The following ATAT1 variants were observed in gnomAD, a reference collection of about 807,000 sequenced individuals.
ATAT1 encodes alpha-tubulin N-acetyltransferase 1.
In ATAT1, 42 loss-of-function variants were observed where a neutral mutation model predicts 57.2. The ratio of observed to expected loss-of-function variants is 0.73; its 90% CI spans 0.57 to 0.95. ATAT1 has a LOEUF of 0.95. ATAT1 is among the 40% of genes least tolerant of loss of function. ATAT1 has a pLI of 0.00. For missense variants in ATAT1, 454 were observed against 523.7 expected (o/e 0.87, Z 1.30); for synonymous variants, 168 against 187.1 (o/e 0.90, Z 0.83).
intron 6 of ATAT1, among the ~76,000 whole-genome samples, chr6:30,639,515 C>T (rs1407955220): frequency 6.9e-6 from 1 of 144,958 alleles, no homozygotes; most frequent in African/African-American, 2.5e-5. Context: ...CTTGCTCCAT[C>T]GCCCAGGCTG....
rs145947766 is a variant in ATAT1, at chr6:30,626,910, G to C, written c.-294G>C. Reference sequence around the variant, plus strand: ...CATGGAGTTCCCGTTCGATGTGGACGCGCTGTTCCCGGAGCGGATCACGGT... The same window carrying C: ...CATGGAGTTCCCGTTCGATGTGGACCCGCTGTTCCCGGAGCGGATCACGGT... On this transcript the variant is annotated 5_prime_UTR_variant, in exon 1 of 13. Coordinates refer to ENST00000330083, the MANE Select transcript of ATAT1 (RefSeq NM_001031722.4). 1.2e-5 allele frequency: 19 copies of C among 1,608,556 alleles called. No individual in the cohort carries two copies. Among genetic ancestry groups the C allele is most frequent in the Non-Finnish European group, 1.1e-5 (13 of 1,178,398 alleles).
In ATAT1 at chr6:30,628,348, A is replaced by G. The variant is rs986917482; in HGVS notation, c.419A>G (p.His140Arg). ...CTGCAGAAGGAGCGAGTGGAACCGC[A>G]CCAACTGGCAATTGACCGACCCTCA... The change falls in exon 6 of 13, where the codon CAC becomes CGC. Residue 140 changes from histidine (H) to arginine (R), a missense_variant. Coordinates refer to ENST00000330083, the MANE Select transcript of ATAT1 (RefSeq NM_001031722.4). 3 of 1,612,862 alleles carry G rather than the reference A, an allele frequency of 1.9e-6. No individual in the cohort carries two copies. Among genetic ancestry groups the G allele is most frequent in the East Asian group, 2.2e-5 (1 of 44,894 alleles).
rs1431567268 is a variant in ATAT1 at position 30,646,672 on chromosome 6, ATTATT to A, written c.*31_*35del. ...CAGCCCCGTCAAACATCTTCAAAGT[ATTATT>A]TCTCCCTCACTACAGGAAAGAGCCA... On this transcript the variant is annotated 3_prime_UTR_variant, in exon 13 of 13. Coordinates refer to ENST00000330083, the MANE Select transcript of ATAT1 (RefSeq NM_001031722.4). 6.6e-7 allele frequency: 1 copy of A among 1,516,392 alleles called. No individual in the cohort carries two copies. The highest frequency in any genetic ancestry group is 2.1e-5 in the Admixed American group (1 of 47,684). The allele number at this position is 1,516,392 out of a possible 1,614,324, so 93.9% of individuals were successfully genotyped here. A position where few individuals can be genotyped will look rare whatever the true frequency, so the allele number is the denominator to read the frequency against.
In ATAT1 at chr6:30,645,919, C is replaced by A. The variant is rs769358309; in HGVS notation, c.957C>A (p.Ala319=). 15 of 1,520,316 alleles carry A rather than the reference C, an allele frequency of 9.9e-6. No homozygotes were observed. The highest frequency in any genetic ancestry group is 1.3e-5 in the Non-Finnish European group (15 of 1,134,388). 94.2% of individuals were successfully genotyped at this position (1,520,316 alleles called of 1,614,324 possible). Residue 319 remains alanine, a synonymous_variant, in exon 11 of 13, where the codon GCC becomes GCA. Transcript: ENST00000330083. ...GGGGGACTCCCCCAGGTCTGGTAGC[C>A]CAAAGCTGCTGCTACAGCCGCCATG...
At chr6:30,630,472 T>C (rs747739282) in intron 6 of ATAT1, among the ~76,000 whole-genome samples, 5 of 151,582 alleles carry the variant, frequency 3.3e-5, no homozygotes, top group Non-Finnish European at 4.4e-5. Context: ...CCCGTCTCTA[T>C]TAAAAATACA....
At chr6:30,645,748 G>A in intron 10 of ATAT1, 147 bp from the exon 11 acceptor site, 1 of 591,844 alleles carries the variant, frequency 1.7e-6, no homozygotes, top group Non-Finnish European at 2.8e-6. Context: ...CTGGGGCACA[G>A]CTTTGATTAA....
chr6:30,644,054 G>A (rs752763432), intron 10 of ATAT1: 37 of 989,512 alleles, frequency 3.7e-5, no homozygotes, highest in Non-Finnish European at 4.3e-5. Context: ...GCGAATGGCC[G>A]CTAGTGAGCA....
intron 6 of ATAT1, among the ~76,000 whole-genome samples, chr6:30,631,964 G>A (rs2394388): frequency 0.029 from 4,383 of 152,124 alleles, 137 homozygotes; most frequent in African/African-American, 0.075. Context: ...GAGGTAATGC[G>A]GAGGAGGGGC....
At position 30,628,094 on chromosome 6, in the gene ATAT1, G is replaced by C. The variant is rs1488921081; in HGVS notation, c.348G>C (p.Glu116Asp). 1.9e-6 allele frequency: 3 copies of C among 1,613,010 alleles called. No individual in the cohort carries two copies. Among genetic ancestry groups the C allele is most frequent in the Non-Finnish European group, 1.7e-6 (2 of 1,180,020 alleles). Residue 116 changes from glutamate (E) to aspartate (D), a missense_variant, in exon 5 of 13, where the codon GAG becomes GAC. By Grantham distance (45) the Glu-to-Asp change is conservative. This residue lies in a region of ATAT1 where 236 missense variants were observed against 284.5 expected (regional missense o/e 0.83). Coordinates refer to ENST00000330083, the MANE Select transcript of ATAT1 (RefSeq NM_001031722.4). ...GCATCCTGGACTTTTACATCCATGA[G>C]TCTGTGCAACGCCATGGCCATGGGC...
intron 6 of ATAT1, among the ~76,000 whole-genome samples, chr6:30,629,791 G>T (rs1025384407): frequency 4.0e-5 from 6 of 151,550 alleles, no homozygotes; most frequent in African/African-American, 1.5e-4. Context: ...TGATCTGCCC[G>T]CCTCGGCCTC....
chr6:30,646,614 C>T lies in ATAT1; in HGVS notation c.1201C>T (p.Gln401Ter). The T allele has an allele frequency of 6.4e-7, 1 of 1,572,504 alleles. No homozygotes were observed. Among genetic ancestry groups the T allele is most frequent in the South Asian group, 1.2e-5 (1 of 85,688 alleles). Residue 401 changes from glutamine (Q) to a stop codon, truncating the protein, a stop_gained, in exon 13 of 13, where the codon CAG (glutamine) becomes TAG (stop). Transcript: ENST00000330083. LOFTEE classifies it high-confidence loss of function. Reference sequence around the variant, plus strand: ...CAACGCCAGGTTCATTCGAAACCTGCAGGAACGTCGCAGCACCAGGCCTTG... The same window carrying T: ...CAACGCCAGGTTCATTCGAAACCTGTAGGAACGTCGCAGCACCAGGCCTTG...
At chr6:30,640,076 T>C (rs948972899) in intron 6 of ATAT1, among the ~76,000 whole-genome samples, 1 of 151,352 alleles carries the variant, frequency 6.6e-6, no homozygotes. Context: ...AGGTTGATGC[T>C]GCAGTGAGCT....
chr6:30,643,032 A>G (rs1306449050), intron 10 of ATAT1, 21 bp downstream of exon 10: 1 of 1,593,094 alleles, frequency 6.3e-7, no homozygotes, highest in Non-Finnish European at 8.6e-7. Flanking sequence ...TTGAAGGGCT[A>G]AGGAGCCTCA....
At chr6:30,627,320 A>C in intron 1 of ATAT1, 140 bp from the exon 2 acceptor site, 5 of 1,612,786 alleles carry the variant, frequency 3.1e-6, no homozygotes, top group Non-Finnish European at 4.2e-6. Flanking sequence ...GGGAAATCAG[A>C]TTGGAAGACT....
In ATAT1 at chr6:30,628,119, C is replaced by T. The variant is rs1055003902; in HGVS notation, c.373C>T (p.Arg125Ter). The change falls in exon 5 of 13, where the codon CGA (arginine) becomes TGA (stop). Residue 125 changes from arginine to a stop codon, truncating the protein, a stop_gained. Coordinates refer to ENST00000330083, the MANE Select transcript of ATAT1 (RefSeq NM_001031722.4). LOFTEE classifies it high-confidence loss of function. ...GTCTGTGCAACGCCATGGCCATGGG[C>T]GAGAACTCTTCCAGTATATGTTGCA... The T allele has an allele frequency of 5.0e-6, 8 of 1,612,764 alleles. No homozygotes were observed. Among genetic ancestry groups the T allele is most frequent in the East Asian group, 2.2e-5 (1 of 44,900 alleles).
chr6:30,641,488 G>C (rs1039462961), intron 8 of ATAT1, among the ~76,000 whole-genome samples: 1 of 152,140 alleles, frequency 6.6e-6, no homozygotes, highest in African/African-American at 2.4e-5. Context: ...TGAATTTGCT[G>C]AGAAGTCTTT....
In ATAT1 at chr6:30,628,090, A is replaced by C; in HGVS notation, c.344A>C (p.His115Pro). 1 of 1,613,070 alleles carries C rather than the reference A, an allele frequency of 6.2e-7. No homozygotes were observed. Among genetic ancestry groups the C allele is most frequent in the Non-Finnish European group, 8.5e-7 (1 of 1,180,030 alleles). Residue 115 changes from histidine to proline, a missense_variant, in exon 5 of 13, where the codon CAT (histidine) becomes CCT (proline). By Grantham distance (77) the His-to-Pro change is moderately conservative. This residue lies in a region of ATAT1 where 236 missense variants were observed against 284.5 expected (regional missense o/e 0.83). Coordinates refer to ENST00000330083, the MANE Select transcript of ATAT1 (RefSeq NM_001031722.4). ...CTTTGCATCCTGGACTTTTACATCC[A>C]TGAGTCTGTGCAACGCCATGGCCAT...
chr6:30,644,612 A>T, intron 10 of ATAT1: 1 of 985,492 alleles, frequency 1.0e-6, no homozygotes, highest in Non-Finnish European at 1.2e-6. Context: ...TTGTCTGAAT[A>T]AAGTGTGAAA....
Position 30,646,733 on chromosome 6 carries a change from T to A in ATAT1, c.*90T>A. 1.5e-6 allele frequency: 2 copies of A among 1,327,114 alleles called. No homozygotes were observed. Among genetic ancestry groups the A allele is most frequent in the South Asian group, 1.8e-5 (1 of 55,970 alleles). The allele number at this position is 1,327,114 out of a possible 1,614,324, so 82.2% of individuals were successfully genotyped here. A position where few individuals can be genotyped will look rare whatever the true frequency, so the allele number is the denominator to read the frequency against. On this transcript the variant is annotated 3_prime_UTR_variant, in exon 13 of 13. Coordinates refer to ENST00000330083, the MANE Select transcript of ATAT1 (RefSeq NM_001031722.4). ...CAACCCTCATAATAGATGGATACAT[T>A]CATTCATTCATTCATTCAGCAGGCT...
Sources: allele counts gnomAD v4.1 joint callset (sites outside exome capture counted in the v4.1 genomes callset), GRCh38; gene constraint gnomAD v4.1.1; regional missense constraint gnomAD v4.1.1; transcripts MANE v1.5; gene names NCBI Gene and HGNC (gene_info 2026-07-23, HGNC 2026-07-21).